Variants in BICDL2 observed in about 807,000 individuals in gnomAD.
BICDL2 encodes BICD family like cargo adaptor 2.
Under a neutral mutation model 56.6 loss-of-function variants are expected in BICDL2, and 62 were observed. The observed-to-expected ratio is 1.10, with a 90% CI of 0.89 to 1.35. The LOEUF (loss-of-function observed/expected upper bound fraction) is 1.35, where lower values mean the gene tolerates loss of function less well. BICDL2 is among the 40% of genes most tolerant of loss of function. BICDL2 has a pLI of 0.00. For synonymous variants in BICDL2, 358 were observed against 319.8 expected (o/e 1.12, Z -1.27); for missense variants, 808 against 684.5 (o/e 1.18, Z -2.01).
In BICDL2 at chr16:3,034,940, G is replaced by A. The variant is rs546859174; in HGVS notation, c.282+275C>T. On this transcript the variant is annotated intron_variant, in intron 2 of 9. Transcript: ENST00000572449. Reference sequence around the variant, plus strand: ...GTTGCCCAGGCTGTTCTCCAACACTGGGCTAGTGATCTTCCTGCCTTGGCC... The same window carrying A: ...GTTGCCCAGGCTGTTCTCCAACACTAGGCTAGTGATCTTCCTGCCTTGGCC... 45 of 460,812 alleles carry A rather than the reference G, an allele frequency of 9.8e-5. No homozygotes were observed. In the East Asian group the frequency reaches 1.2e-3, roughly 12 times the overall value. 28.5% of individuals were successfully genotyped at this position (460,812 alleles called of 1,614,324 possible).
At chr16:3,031,525 G>C in intron 2 of BICDL2, 1 of 447,212 alleles carries the variant, frequency 2.2e-6, no homozygotes, top group Non-Finnish European at 3.9e-6. Context: ...TGTCCCAGGG[G>C]CTCTGGAGGC....
In BICDL2 at chr16:3,036,881, C is replaced by T; in HGVS notation, c.-31+13G>A. ...TCGAGGGGCCCGGCCCTCGGCGTCC[C>T]CCAGGCTCTCACCCGAAGCCGCCGG... is the stretch of plus-strand genomic sequence containing the variant. On this transcript the variant is annotated intron_variant, in intron 1 of 9. Transcript: ENST00000572449. The T allele has an allele frequency of 3.5e-6, 1 of 283,836 alleles. No individual in the cohort carries two copies. The highest frequency in any genetic ancestry group is 6.8e-6 in the Non-Finnish European group (1 of 146,046). The allele number at this position is 283,836 out of a possible 1,614,324, so 17.6% of individuals were successfully genotyped here.
In BICDL2 at chr16:3,028,419, A is replaced by C. The variant is rs1955589719; in HGVS notation, c.1288T>G (p.Ser430Ala). Reference protein sequence around the residue: ...QLNRVSLERDSLSRELLRAIR... With the variant: ...QLNRVSLERDALSRELLRAIR... ...GCGCGCAGCAGCTCCCGAGACAGGG[A>C]GTCTCGCTCCAGCGAGACGCGGTTG... is the stretch of plus-strand genomic sequence containing the variant. The change falls in exon 9 of 10, where the codon TCC becomes GCC. Residue 430 changes from serine to alanine, a missense_variant. Transcript: ENST00000572449. 6.4e-7 allele frequency: 1 copy of C among 1,558,526 alleles called. No homozygotes were observed. The highest frequency in any genetic ancestry group is 1.2e-5 in the South Asian group (1 of 86,428).
At position 3,030,507 on chromosome 16, in the gene BICDL2, T is replaced by C. The variant is rs1429032329; in HGVS notation, c.704A>G (p.Gln235Arg). 1 of 1,603,940 alleles carries C rather than the reference T, an allele frequency of 6.2e-7. No individual in the cohort carries two copies. Among genetic ancestry groups the C allele is most frequent in the Non-Finnish European group, 8.5e-7 (1 of 1,179,328 alleles). The change falls in exon 5 of 10, where the codon CAG (glutamine) becomes CGG (arginine). Residue 235 changes from glutamine to arginine, a missense_variant. Physicochemically the swap from Gln to Arg is conservative, Grantham distance 43. Transcript: ENST00000572449. ...CAGCAGCAACTCCTCGTGGGTGGTC[T>C]GCAGTCTGCCCTCACCCTTCTCCAC... is the stretch of plus-strand genomic sequence containing the variant. Reference protein sequence around the residue: ...EEVEKGEGRLQTTHEELLLLR... With the variant: ...EEVEKGEGRLRTTHEELLLLR...
intron 2 of BICDL2, chr16:3,031,645 C>G: frequency 2.5e-6 from 1 of 403,152 alleles, no homozygotes; most frequent in Non-Finnish European, 4.4e-6. Flanking sequence ...GGGGAATGCC[C>G]TGGCACACCC....
chr16:3,028,469 C>T lies in BICDL2; in HGVS notation c.1239-1G>A. The T allele has an allele frequency of 1.3e-6, 2 of 1,571,744 alleles. No individual in the cohort carries two copies. The highest frequency in any genetic ancestry group is 1.7e-6 in the Non-Finnish European group (2 of 1,167,750). On this transcript the variant is annotated splice_acceptor_variant, in intron 8 of 9. Transcript: ENST00000572449. LOFTEE classifies it high-confidence loss of function. ...GAGCTGCAGGGACAGCTCCAGGGCC[C>T]TAGGCGGGCAGGAGCAGAAGACGCG...
At chr16:3,028,510 G>A (rs1955592591) in intron 8 of BICDL2, 42 bp from the exon 9 acceptor site, 1 of 1,561,740 alleles carries the variant, frequency 6.4e-7, no homozygotes, top group Non-Finnish European at 8.6e-7. Context: ...GGGCGCTAGG[G>A]CCTCAGGGAG....
chr16:3,033,074 G>C (rs1162955741), intron 2 of BICDL2: 2 of 152,412 alleles, frequency 1.3e-5, no homozygotes, highest in Admixed American at 1.3e-4. Flanking sequence ...GGAGGCTGAG[G>C]CAAGTGGATC....
At position 3,028,480 on chromosome 16, in the gene BICDL2, G is replaced by T; in HGVS notation, c.1239-12C>A. ...ACAGCTCCAGGGCCCTAGGCGGGCA[G>T]GAGCAGAAGACGCGTTTGAGGGCGC... On this transcript the variant is annotated splice_polypyrimidine_tract_variant and intron_variant, in intron 8 of 9. Coordinates refer to ENST00000572449, the MANE Select transcript of BICDL2 (RefSeq NM_001369667.1). 3.2e-6 allele frequency: 5 copies of T among 1,571,672 alleles called. No individual in the cohort carries two copies. Among genetic ancestry groups the T allele is most frequent in the Non-Finnish European group, 4.3e-6 (5 of 1,167,652 alleles).
chr16:3,035,178 C>A (rs1178680757), intron 2 of BICDL2, 37 bp downstream of exon 2: 2 of 109,218 alleles, frequency 1.8e-5, no homozygotes, highest in Non-Finnish European at 3.5e-5. Context: ...TCCTCCCCTG[C>A]CCACCCACCC....
intron 2 of BICDL2, chr16:3,031,929 T>A (rs193018185): frequency 1.3e-3 from 217 of 163,286 alleles, no homozygotes; most frequent in Non-Finnish European, 2.1e-3. Flanking sequence ...TGTTTTTATT[T>A]TTTATTTATT....
rs765613545 is a variant in BICDL2, at chr16:3,035,377, C to T, written c.120G>A (p.Gly40=). The stretch of plus-strand genomic sequence containing the variant: ...CCTCGGGCTCCTCAGGCCCTGGGCC[C>T]CCTCCCAGGAATGAGTCCCGCCGCT... ...VLERRDSFLG[G]GPGPEEPEDL... The change falls in exon 2 of 10, where the codon GGG becomes GGA. Residue 40 remains glycine, a synonymous_variant. Transcript: ENST00000572449. 1.7e-5 allele frequency: 27 copies of T among 1,608,406 alleles called. No individual in the cohort carries two copies. Among genetic ancestry groups the T allele is most frequent in the Non-Finnish European group, 2.1e-5 (25 of 1,178,222 alleles).
intron 2 of BICDL2, 39 bp downstream of exon 2, chr16:3,035,176 T>TTGGGCCGGGGGGGGGGGGGGGGGGG: frequency 7.3e-6 from 1 of 136,274 alleles, no homozygotes; most frequent in Non-Finnish European, 1.4e-5. Context: ...CGTCCTCCCC[T>TTGGGCCGGGGGGGGGGGGGGGGGGG]GCCCACCCAC....
At position 3,030,966 on chromosome 16, in the gene BICDL2, T is replaced by TGCTCGCTGA. The variant is rs1226710315; in HGVS notation, c.458_466dup (p.Leu153_Glu155dup). The TGCTCGCTGA allele has an allele frequency of 7.7e-6, 12 of 1,551,558 alleles. No homozygotes were observed. In the East Asian group the frequency reaches 1.4e-4, roughly 19 times the overall value. On this transcript the variant is annotated inframe_insertion, in exon 3 of 10. Coordinates refer to ENST00000572449, the MANE Select transcript of BICDL2 (RefSeq NM_001369667.1). The stretch of plus-strand genomic sequence containing the variant: ...CAGCTGCTGGCTGAGCCGGAGGTTC[T>TGCTCGCTGA]GCTCGCTGAGCTCGCTGAGGGCCCG...
chr16:3,029,423 G>A lies in BICDL2; in HGVS notation c.964C>T (p.Arg322Trp), dbSNP rs1291461161. The change falls in exon 7 of 10, where the codon CGG (arginine) becomes TGG (tryptophan). Residue 322 changes from arginine (R) to tryptophan (W), a missense_variant. Physicochemically the swap from Arg to Trp is moderately radical, Grantham distance 101. Transcript: ENST00000572449. ...GACGCCTTTCGGGTCTTTGGGGACC[G>A]GGTGGTCTGTGGGCCAAAGAAATGG... is the stretch of plus-strand genomic sequence containing the variant. Reference protein sequence around the residue: ...ADAPGDTPTTRSPKTRKASSP... With the variant: ...ADAPGDTPTTWSPKTRKASSP... 1.2e-5 allele frequency: 19 copies of A among 1,603,052 alleles called. No individual in the cohort carries two copies. Among genetic ancestry groups the A allele is most frequent in the African/African-American group, 4.0e-5 (3 of 74,738 alleles).
Position 3,035,464 on chromosome 16 carries a change from G to A in BICDL2, c.33C>T (p.Ser11=), listed in dbSNP as rs745609102. 28 of 1,611,408 alleles carry A rather than the reference G, an allele frequency of 1.7e-5. No individual in the cohort carries two copies. The highest frequency in any genetic ancestry group is 2.1e-5 in the Non-Finnish European group (25 of 1,179,714). The change falls in exon 2 of 10, where the codon TCC becomes TCT. Residue 11 remains serine (S), a synonymous_variant. Transcript: ENST00000572449. MSSPDGPSFP[S]GPLSGGASPS... ...GAGAGGCGCCCCCTGAGAGCGGCCC[G>A]GACGGGAAGCTGGGCCCATCTGGAG...
In BICDL2 at chr16:3,028,277, C is replaced by A. The variant is rs772705953; in HGVS notation, c.1360-4G>T. The A allele has an allele frequency of 6.7e-7, 1 of 1,492,280 alleles. No individual in the cohort carries two copies. Among genetic ancestry groups the A allele is most frequent in the Non-Finnish European group, 8.8e-7 (1 of 1,134,452 alleles). The allele number at this position is 1,492,280 out of a possible 1,614,324, so 92.4% of individuals were successfully genotyped here. On this transcript the variant is annotated splice_region_variant and splice_polypyrimidine_tract_variant and intron_variant, in intron 9 of 9. Transcript: ENST00000572449. The stretch of plus-strand genomic sequence containing the variant: ...CGATCACCACCTGCATGTCGTCCTG[C>A]GGGAGGCCGTGGTCGGCTCAGCGCC...
chr16:3,030,410 G>C, intron 5 of BICDL2, 39 bp downstream of exon 5: 1 of 1,590,386 alleles, frequency 6.3e-7, no homozygotes, highest in Non-Finnish European at 8.5e-7. Context: ...CCATTGCTAA[G>C]GGTCCAGGCA....
intron 2 of BICDL2, chr16:3,034,770 A>C (rs1955707265): frequency 6.3e-6 from 1 of 157,504 alleles, no homozygotes; most frequent in African/African-American, 2.5e-5. Context: ...GGATCATAGA[A>C]TCATAGCTTA....
Sources: allele counts gnomAD v4.1 joint callset, GRCh38; gene constraint gnomAD v4.1.1; transcripts MANE v1.5; gene names NCBI Gene and HGNC (gene_info 2026-07-23, HGNC 2026-07-21).